The following PASD1 variants were observed in gnomAD, a reference collection of about 807,000 sequenced individuals.
PASD1 encodes circadian clock protein PASD1.
PASD1 carries 13 observed loss-of-function variants against 58.8 expected under a neutral mutation model. That is an observed-to-expected ratio of 0.22 (90% confidence interval 0.14 to 0.35). The LOEUF (loss-of-function observed/expected upper bound fraction) is 0.35. Among genes scored for constraint, PASD1 ranks in the 10% least tolerant of loss-of-function variants. The probability of loss-of-function intolerance (pLI) is 1.00; values close to 1 mark genes in which losing one functional copy is unlikely to be tolerated. For missense variants in PASD1, 734 were observed against 568.3 expected (o/e 1.29, Z -2.96); for synonymous variants, 236 against 216.7 (o/e 1.09, Z -0.78).
At chrX:151,586,995 G>C (rs769443966) in intron 1 of PASD1, among the ~76,000 whole-genome samples, 2 of 111,334 alleles carry the variant, frequency 1.8e-5, no homozygotes, top group South Asian at 7.6e-4. Context: ...GGGATTAATC[G>C]TTTAATGGAT....
At chrX:151,626,947 C>T (rs2013796235) in intron 8 of PASD1, among the ~76,000 whole-genome samples, 1 of 111,669 alleles carries the variant, frequency 9.0e-6, no homozygotes, top group East Asian at 2.8e-4. Context: ...TGGTTGTCAA[C>T]CTTTAGCTGA....
At chrX:151,634,871 T>C (rs1190326808) in intron 8 of PASD1, among the ~76,000 whole-genome samples, 2 of 111,805 alleles carry the variant, frequency 1.8e-5, no homozygotes, top group Non-Finnish European at 3.8e-5. Flanking sequence ...AAGTAACTTA[T>C]GGGAAAGTAC....
chrX:151,646,197 AT>A (rs1336039999), intron 8 of PASD1, among the ~76,000 whole-genome samples: 1 of 112,300 alleles, frequency 8.9e-6, no homozygotes, highest in Non-Finnish European at 1.9e-5. Flanking sequence ...TATGTTCTAC[AT>A]CAAATATTTG....
In PASD1 at chrX:151,676,007, C is replaced by A; in HGVS notation, c.2186C>A (p.Ser729Tyr). The A allele has an allele frequency of 8.3e-7, 1 of 1,211,439 alleles. No homozygotes were observed. The highest frequency in any genetic ancestry group is 1.8e-5 in the South Asian group (1 of 56,865). Residue 729 changes from serine (S) to tyrosine (Y), a missense_variant, in exon 16 of 16, where the codon TCT becomes TAT. Ser to Tyr is a moderately radical substitution (Grantham distance 144). Coordinates refer to ENST00000370357, the MANE Select transcript of PASD1 (RefSeq NM_173493.3). ...GQPTYHQVQV[S>Y]EVGVEGPPDP... is the part of the protein sequence containing the mutation. ...ACTTTTTCCTGGCAGGTGCAAGTTT[C>A]TGAGGTAGGAGTCGAGGGACCTCCT...
chrX:151,631,512 C>A (rs1357140295), intron 8 of PASD1, among the ~76,000 whole-genome samples: 2 of 112,012 alleles, frequency 1.8e-5, no homozygotes, highest in Non-Finnish European at 3.8e-5. Context: ...AGCCCTAATA[C>A]TTTTTACAAA....
In PASD1 at chrX:151,594,165, G is replaced by A. The variant is rs946954385; in HGVS notation, c.-27-7362G>A. 4.6e-4 allele frequency among the ~76,000 whole-genome samples: 51 copies of A among 110,399 alleles called. 1 individual carries two copies. The highest frequency in any genetic ancestry group is 3.9e-4 in the South Asian group (1 of 2,535). On this transcript the variant is annotated intron_variant, in intron 1 of 15. Transcript: ENST00000370357. ...ATTTTTCGTATTTTTAGTAGAGACCGGGTTTCACTGTGTTAGCCAGGATGG... is the reference window on the plus strand; with the variant it reads ...ATTTTTCGTATTTTTAGTAGAGACCAGGTTTCACTGTGTTAGCCAGGATGG...
intron 11 of PASD1, among the ~76,000 whole-genome samples, chrX:151,669,757 C>G (rs1856160): frequency 0.47 from 52,127 of 110,967 alleles, 10,103 homozygotes; most frequent in East Asian, 0.96. Context: ...ATATTCTATT[C>G]TGTATATATA....
At chrX:151,632,627 T>G (rs2013882485) in intron 8 of PASD1, among the ~76,000 whole-genome samples, 1 of 111,992 alleles carries the variant, frequency 8.9e-6, no homozygotes, top group African/African-American at 3.2e-5. Flanking sequence ...CTTTGCACGT[T>G]ACTTGGCTAT....
intron 8 of PASD1, among the ~76,000 whole-genome samples, chrX:151,631,865 T>C (rs998054013): frequency 8.9e-6 from 1 of 112,115 alleles, no homozygotes; most frequent in Non-Finnish European, 1.9e-5. Context: ...TGTCCCATCT[T>C]GAGCAGAGGA....
At chrX:151,669,654 T>C (rs1271355337) in intron 11 of PASD1, among the ~76,000 whole-genome samples, 1 of 111,685 alleles carries the variant, frequency 9.0e-6, no homozygotes, top group African/African-American at 3.3e-5. Flanking sequence ...TATTTGTCTT[T>C]CTGTACCTGG....
chrX:151,580,202 C>T (rs989478254), intron 1 of PASD1, among the ~76,000 whole-genome samples: 2 of 112,163 alleles, frequency 1.8e-5, no homozygotes, highest in Non-Finnish European at 3.8e-5. Context: ...TATCTATTTA[C>T]AAGTCTGATC....
At chrX:151,675,951 A>G in intron 15 of PASD1, 46 bp from the exon 16 acceptor site, 1 of 1,196,008 alleles carries the variant, frequency 8.4e-7, no homozygotes, top group Non-Finnish European at 1.1e-6. Context: ...AAATGGGCCC[A>G]CAGACTCTAG....
chrX:151,592,617 G>C (rs972743189), intron 1 of PASD1, among the ~76,000 whole-genome samples: 1 of 110,750 alleles, frequency 9.0e-6, no homozygotes, highest in African/African-American at 3.3e-5. Flanking sequence ...TTTTCTTTGG[G>C]GTTTCTTCTT....
intron 1 of PASD1, among the ~76,000 whole-genome samples, chrX:151,595,108 T>A (rs2013302081): frequency 1.8e-5 from 2 of 112,556 alleles, no homozygotes; most frequent in Admixed American, 1.9e-4. Flanking sequence ...TTAGTTTTTC[T>A]TTGTGTTTAT....
At chrX:151,597,609 T>G (rs775671980) in intron 1 of PASD1, among the ~76,000 whole-genome samples, 1 of 112,609 alleles carries the variant, frequency 8.9e-6, no homozygotes, top group African/African-American at 3.2e-5. Context: ...AGAAAGCATT[T>G]TAAGATTTCT....
intron 8 of PASD1, 35 bp downstream of exon 8, chrX:151,625,565 T>G: frequency 2.9e-6 from 3 of 1,036,118 alleles, no homozygotes; most frequent in Non-Finnish European, 4.0e-6. Flanking sequence ...AATGAAGATC[T>G]AGAATTCAAT....
At chrX:151,591,211 A>G (rs889248203) in intron 1 of PASD1, among the ~76,000 whole-genome samples, 1 of 111,920 alleles carries the variant, frequency 8.9e-6, no homozygotes, top group African/African-American at 3.3e-5. Context: ...GTCATGCCGG[A>G]AAGTATATAT....
chrX:151,673,779 C>A, intron 14 of PASD1, 149 bp from the exon 15 acceptor site: 1 of 652,314 alleles, frequency 1.5e-6, no homozygotes, highest in Non-Finnish European at 2.4e-6. Context: ...GAATCTTAGT[C>A]AGGCCAAAGT....
chrX:151,593,215 GTTAT>G (rs2013272493), intron 1 of PASD1, among the ~76,000 whole-genome samples: 1 of 110,181 alleles, frequency 9.1e-6, no homozygotes, highest in Non-Finnish European at 1.9e-5. Context: ...CTTTTTTGTA[GTTAT>G]TTAAGTTTAT....
Sources: gnomAD v4.1 joint callset for allele counts (sites outside exome capture counted in the v4.1 genomes callset) on GRCh38, gnomAD v4.1.1 for gene constraint, MANE v1.5 for transcripts, NCBI Gene and HGNC (gene_info 2026-07-23, HGNC 2026-07-21) for gene names.